MAOA: variants seen among roughly 807,000 people sequenced by gnomAD.
MAOA encodes the protein monoamine oxidase A, also known as amine oxidase [flavin-containing] A.
A neutral mutation model predicts 42.0 loss-of-function variants in MAOA; 6 were observed. The ratio of observed to expected loss-of-function variants is 0.14; its 90% CI spans 0.08 to 0.28. MAOA has a LOEUF of 0.28. MAOA is among the 10% of genes least tolerant of loss of function. MAOA has a pLI of 1.00. For synonymous variants in MAOA, 140 were observed against 154.0 expected (o/e 0.91, Z 0.67); for missense variants, 262 against 422.3 (o/e 0.62, Z 3.33).
At chrX:43,679,349 C>T (rs2147078971) in intron 1 of MAOA, among the ~76,000 whole-genome samples, 1 of 107,763 alleles carries the variant, frequency 9.3e-6, no homozygotes, top group South Asian at 4.3e-4. Flanking sequence ...ATTCATAAAA[C>T]TTGTTTAGAG....
At chrX:43,659,086 C>T (rs1392127160) in intron 1 of MAOA, among the ~76,000 whole-genome samples, 2 of 111,471 alleles carry the variant, frequency 1.8e-5, no homozygotes, top group African/African-American at 3.3e-5. Flanking sequence ...TATTATATAG[C>T]ACCCAGAAGA....
chrX:43,669,223 A>G (rs1316161949), intron 1 of MAOA, among the ~76,000 whole-genome samples: 6 of 105,674 alleles, frequency 5.7e-5, no homozygotes, highest in Non-Finnish European at 1.2e-4. Context: ...AACCTGGCCA[A>G]CATGGTAAAA....
intron 1 of MAOA, among the ~76,000 whole-genome samples, chrX:43,658,501 TATTTCTTAG>T (rs2033205687): frequency 8.9e-6 from 1 of 112,025 alleles, no homozygotes; most frequent in Non-Finnish European, 1.9e-5. Context: ...TTTGCTTTCT[TATTTCTTAG>T]AGAGGATACC....
rs1290392482 is a variant in MAOA at position 43,693,358 on chromosome X, G to A, written c.236G>A (p.Arg79His). ...GGACCAACCCAAAACAGAATCTTAC[G>A]CTTGTCTAAGGAGCTGGGCATAGAG... ...YVGPTQNRIL[R>H]LSKELGIETY... is the part of the protein sequence containing the mutation. Residue 79 changes from arginine to histidine, a missense_variant, in exon 3 of 15, where the codon CGC becomes CAC. This residue lies in a region of MAOA where 141 missense variants were observed against 195.6 expected (regional missense o/e 0.72). Transcript: ENST00000338702. 4 of 1,209,078 alleles carry A rather than the reference G, an allele frequency of 3.3e-6. No individual in the cohort carries two copies. The highest frequency in any genetic ancestry group is 3.4e-6 in the Non-Finnish European group (3 of 893,119).
intron 1 of MAOA, among the ~76,000 whole-genome samples, chrX:43,673,439 A>G (rs1017268276): frequency 1.9e-5 from 2 of 105,423 alleles, no homozygotes; most frequent in Non-Finnish European, 3.9e-5. Flanking sequence ...TGTTGTCTCT[A>G]TTTCCTTCCG....
chrX:43,663,309 C>A (rs1014567504), intron 1 of MAOA, among the ~76,000 whole-genome samples: 3 of 111,727 alleles, frequency 2.7e-5, no homozygotes, highest in African/African-American at 9.8e-5. Flanking sequence ...GTTTAAAACC[C>A]TTTTCTAGTT....
chrX:43,724,663 C>G (rs2033818011), intron 5 of MAOA, among the ~76,000 whole-genome samples: 1 of 111,157 alleles, frequency 9.0e-6, no homozygotes. Flanking sequence ...TTTTTTGTGT[C>G]TCTGTCTCCT....
intron 3 of MAOA, among the ~76,000 whole-genome samples, chrX:43,702,105 G>T (rs769843442): frequency 1.8e-5 from 2 of 112,151 alleles, no homozygotes; most frequent in Non-Finnish European, 3.8e-5. Flanking sequence ...ACTTCCTGAA[G>T]AAGGGAAATT....
chrX:43,668,731 T>C lies in MAOA; in HGVS notation c.73+12317T>C, dbSNP rs764948016. Among the ~76,000 whole-genome samples, 5 of 112,144 alleles carry C rather than the reference T, an allele frequency of 4.5e-5. No individual in the cohort carries two copies. The South Asian group carries it at 1.8e-3, about 41-fold the overall frequency. ...CCAGCACAACTCTTTCTACTGTAGC[T>C]TTGTCATACATTTTAATGAAAAGTT... On this transcript the variant is annotated intron_variant, in intron 1 of 14. Coordinates refer to ENST00000338702, the MANE Select transcript of MAOA (RefSeq NM_000240.4).
intron 3 of MAOA, among the ~76,000 whole-genome samples, chrX:43,704,154 G>A (rs1430070833): frequency 9.0e-6 from 1 of 111,252 alleles, no homozygotes; most frequent in Non-Finnish European, 1.9e-5. Context: ...TATGAGGCCA[G>A]TATTATCCCG....
intron 5 of MAOA, among the ~76,000 whole-genome samples, chrX:43,727,195 CA>C (rs1356619778): frequency 8.9e-6 from 1 of 112,283 alleles, no homozygotes; most frequent in African/African-American, 3.2e-5. Flanking sequence ...AGAGCTCAAA[CA>C]CTGTGCTGGG....
At chrX:43,703,016 G>A (rs1208473821) in intron 3 of MAOA, among the ~76,000 whole-genome samples, 1 of 110,150 alleles carries the variant, frequency 9.1e-6, no homozygotes, top group Non-Finnish European at 1.9e-5. Flanking sequence ...GCATCCACCA[G>A]TCGAGTAGTC....
chrX:43,730,836 A>G (rs1022059431), intron 6 of MAOA, among the ~76,000 whole-genome samples: 3 of 110,783 alleles, frequency 2.7e-5, no homozygotes, highest in Admixed American at 9.6e-5. Flanking sequence ...AGCCCAGAAC[A>G]CAGGAATCAA....
intron 3 of MAOA, among the ~76,000 whole-genome samples, chrX:43,705,656 G>A (rs1413036029): frequency 8.9e-6 from 1 of 111,930 alleles, no homozygotes; most frequent in African/African-American, 3.2e-5. Context: ...ATACCATCAA[G>A]AAACTGAAAA....
intron 8 of MAOA, among the ~76,000 whole-genome samples, chrX:43,732,308 A>T (rs766386437): frequency 8.9e-6 from 1 of 111,985 alleles, no homozygotes; most frequent in South Asian, 3.8e-4. Context: ...CTGCCCAGAT[A>T]TGGTGGCTAC....
intron 5 of MAOA, among the ~76,000 whole-genome samples, chrX:43,718,589 G>A (rs892816325): frequency 9.1e-6 from 1 of 109,342 alleles, no homozygotes; most frequent in Non-Finnish European, 1.9e-5. Flanking sequence ...TTCCAGGAAT[G>A]AGTCACACTA....
intron 5 of MAOA, among the ~76,000 whole-genome samples, chrX:43,727,687 C>T (rs1313472118): frequency 1.8e-5 from 2 of 112,761 alleles, no homozygotes; most frequent in East Asian, 2.8e-4. Flanking sequence ...GCAGTATCTG[C>T]GCAAGAGTGT....
At chrX:43,719,887 G>T in intron 5 of MAOA, among the ~76,000 whole-genome samples, 1 of 110,933 alleles carries the variant, frequency 9.0e-6, no homozygotes, top group East Asian at 2.9e-4. Context: ...CAGGAAGGTT[G>T]GATTGTGTGG....
At chrX:43,657,334 G>A (rs2147067437) in intron 1 of MAOA, among the ~76,000 whole-genome samples, 1 of 105,653 alleles carries the variant, frequency 9.5e-6, no homozygotes, top group African/African-American at 3.5e-5. Flanking sequence ...GCAGGAAGGT[G>A]TAGGACATTT....
Sources: allele counts gnomAD v4.1 joint callset (sites outside exome capture counted in the v4.1 genomes callset), GRCh38; gene constraint gnomAD v4.1.1; regional missense constraint gnomAD v4.1.1; transcripts MANE v1.5; gene names NCBI Gene and HGNC (gene_info 2026-07-23, HGNC 2026-07-21).